Variants in FRMD4B observed in about 807,000 individuals in gnomAD.
The protein encoded by FRMD4B is FERM domain containing 4B.
FRMD4B carries 74 observed loss-of-function variants against 141.5 expected under a neutral mutation model. The ratio of observed to expected loss-of-function variants is 0.52; its 90% CI spans 0.43 to 0.63. The LOEUF (loss-of-function observed/expected upper bound fraction) is 0.63, where lower values mean the gene tolerates loss of function less well. FRMD4B is among the 30% of genes least tolerant of loss of function. The pLI is 0.00. For synonymous variants in FRMD4B, 506 were observed against 467.9 expected (o/e 1.08, Z -1.05); for missense variants, 1,366 against 1,253.4 (o/e 1.09, Z -1.36).
intron 1 of FRMD4B, among the ~76,000 whole-genome samples, chr3:69,365,891 T>G (rs1376717232): frequency 6.6e-6 from 1 of 152,090 alleles, no homozygotes; most frequent in Non-Finnish European, 1.5e-5. Flanking sequence ...ATGTTTTATG[T>G]ATAAGAATGG....
At chr3:69,240,482 C>T in intron 7 of FRMD4B, among the ~76,000 whole-genome samples, 1 of 72,434 alleles carries the variant, frequency 1.4e-5, no homozygotes, top group Non-Finnish European at 2.4e-5. Context: ...GACTCTGTCT[C>T]AAAAAAAAAA....
intron 3 of FRMD4B, 65 bp from the exon 4 acceptor site, chr3:69,302,500 G>A (rs1701250457): frequency 4.1e-6 from 4 of 971,756 alleles, no homozygotes; most frequent in Non-Finnish European, 6.5e-6. Flanking sequence ...AACGTACAGT[G>A]TTGGCAAAGC....
At chr3:69,180,866 T>C (rs1273988532) in intron 21 of FRMD4B, 33 bp downstream of exon 21, 1 of 1,422,270 alleles carries the variant, frequency 7.0e-7, no homozygotes, top group Admixed American at 1.9e-5. Context: ...GTAAATAAAA[T>C]CCAGGTGTTG....
At chr3:69,175,250 C>A (rs1182265920) in intron 22 of FRMD4B, among the ~76,000 whole-genome samples, 1 of 152,150 alleles carries the variant, frequency 6.6e-6, no homozygotes, top group Non-Finnish European at 1.5e-5. Flanking sequence ...ACTACACATT[C>A]TAAAAACAGG....
At chr3:69,350,042 T>C (rs904823890) in intron 1 of FRMD4B, among the ~76,000 whole-genome samples, 5 of 152,010 alleles carry the variant, frequency 3.3e-5, no homozygotes, top group Non-Finnish European at 4.4e-5. Flanking sequence ...AGGCAACCTA[T>C]AGAATGGGAG....
At chr3:69,245,856 T>TTTTTTTTTTC (rs59818955) in intron 7 of FRMD4B, among the ~76,000 whole-genome samples, 1 of 143,490 alleles carries the variant, frequency 7.0e-6, no homozygotes, top group Non-Finnish European at 1.5e-5. Flanking sequence ...TTTTTTTTTT[T>TTTTTTTTTTC]GAGACAGTTT....
chr3:69,314,141 A>C (rs1325533810), intron 1 of FRMD4B, among the ~76,000 whole-genome samples: 30 of 56,464 alleles, frequency 5.3e-4, no homozygotes, highest in Non-Finnish European at 9.8e-4. Flanking sequence ...TCCGTCTCAA[A>C]AAAAAAAAAA....
At chr3:69,396,935 A>T (rs578091741) in intron 2 of FRMD4B, among the ~76,000 whole-genome samples, 1 of 152,346 alleles carries the variant, frequency 6.6e-6, no homozygotes, top group South Asian at 2.1e-4. Context: ...CCATACGTTT[A>T]TCAGCTGATA....
At chr3:69,237,749 G>A (rs1401529095) in intron 7 of FRMD4B, among the ~76,000 whole-genome samples, 1 of 152,156 alleles carries the variant, frequency 6.6e-6, no homozygotes, top group African/African-American at 2.4e-5. Context: ...CTCATTTACT[G>A]AGACAGAGTC....
rs1311792226 is a variant in FRMD4B, at chr3:69,345,221, A to G, written c.163-31704T>C. ...ACCTGACTCGGAGGGTCCCATGCCC[A>G]CGGAGCCTCGCTCATGGCTAGCACA... is the stretch of plus-strand genomic sequence containing the variant. On this transcript the variant is annotated intron_variant, in intron 1 of 22. Coordinates refer to ENST00000398540, the MANE Select transcript of FRMD4B (RefSeq NM_015123.3). Among the ~76,000 whole-genome samples, 3 of 152,230 alleles carry G rather than the reference A, an allele frequency of 2.0e-5. No individual in the cohort carries two copies. In the East Asian group the frequency reaches 5.8e-4, roughly 29 times the overall value.
chr3:69,327,028 C>T (rs1431628890), intron 1 of FRMD4B, among the ~76,000 whole-genome samples: 1 of 151,946 alleles, frequency 6.6e-6, no homozygotes, highest in Non-Finnish European at 1.5e-5. Context: ...AAAAATGGAA[C>T]TAAGAAAAGC....
chr3:69,390,451 G>A (rs1036692681), upstream of FRMD4B, among the ~76,000 whole-genome samples: 1 of 152,112 alleles, frequency 6.6e-6, no homozygotes, highest in African/African-American at 2.4e-5. Context: ...TTTGGTTGTC[G>A]CAACTGGGAG....
intron 2 of FRMD4B, among the ~76,000 whole-genome samples, chr3:69,312,025 C>T (rs971681330): frequency 1.8e-4 from 27 of 152,080 alleles, no homozygotes; most frequent in Non-Finnish European, 3.1e-4. Flanking sequence ...CCTTCTAAAG[C>T]CTAAGCTTTT....
At chr3:69,318,233 C>A (rs189700066) in intron 1 of FRMD4B, among the ~76,000 whole-genome samples, 1 of 152,214 alleles carries the variant, frequency 6.6e-6, no homozygotes, top group Admixed American at 6.5e-5. Flanking sequence ...CCTTGGACTT[C>A]CAAAGTATTG....
chr3:69,497,695 C>G (rs1995177), intron 1 of FRMD4B, among the ~76,000 whole-genome samples: 1 of 152,100 alleles, frequency 6.6e-6, no homozygotes, highest in Non-Finnish European at 1.5e-5. Flanking sequence ...TTTACCATTA[C>G]AGAAGAAAGT....
At chr3:69,416,342 G>T (rs62251446) in intron 2 of FRMD4B, among the ~76,000 whole-genome samples, 1 of 151,950 alleles carries the variant, frequency 6.6e-6, no homozygotes, top group Admixed American at 6.6e-5. Context: ...CTATTCACAG[G>T]CACCCACAAT....
chr3:69,277,284 T>C (rs1420373462), intron 5 of FRMD4B, among the ~76,000 whole-genome samples: 1 of 152,108 alleles, frequency 6.6e-6, no homozygotes, highest in African/African-American at 2.4e-5. Context: ...TTATGTTATC[T>C]ACTCCTGATA....
rs1199705683 is a variant in FRMD4B at position 69,196,950 on chromosome 3, C to A, written c.1042G>T (p.Val348Leu). The change falls in exon 13 of 23, where the codon GTA becomes TTA. Residue 348 changes from valine (V) to leucine (L), a missense_variant. Physicochemically the swap from Val to Leu is conservative, Grantham distance 32. Coordinates refer to ENST00000398540, the MANE Select transcript of FRMD4B (RefSeq NM_015123.3). ...ANSSLIKSIW[V>L]MAISQHQFYL... is the part of the protein sequence containing the mutation. ...AACTGATGCTGACTAATTGCCATTA[C>A]CCAAATGGACTTGATGAGAGAAGAG... 6.2e-7 allele frequency: 1 copy of A among 1,609,860 alleles called. No homozygotes were observed. The highest frequency in any genetic ancestry group is 8.5e-7 in the Non-Finnish European group (1 of 1,176,170).
chr3:69,249,378 C>T lies in FRMD4B; in HGVS notation c.559-130G>A, dbSNP rs1413602110. 1.3e-5 allele frequency: 8 copies of T among 628,464 alleles called. No homozygotes were observed. In the South Asian group the frequency reaches 1.6e-4, roughly 12 times the overall value. 38.9% of individuals were successfully genotyped at this position (628,464 alleles called of 1,614,324 possible). The stretch of plus-strand genomic sequence containing the variant: ...TTGAAGAGTGTTTCTCAGGAATGCT[C>T]TCCCTATAGGCATAAGAAGAATTAG... On this transcript the variant is annotated intron_variant, in intron 6 of 22. Coordinates refer to ENST00000398540, the MANE Select transcript of FRMD4B (RefSeq NM_015123.3).
Sources: allele counts gnomAD v4.1 joint callset (sites outside exome capture counted in the v4.1 genomes callset), GRCh38; gene constraint gnomAD v4.1.1; transcripts MANE v1.5; gene names NCBI Gene and HGNC (gene_info 2026-07-23, HGNC 2026-07-21).